RBL1: variants seen among roughly 807,000 people sequenced by gnomAD.
The protein encoded by RBL1 is retinoblastoma-like protein 1.
RBL1 carries 82 observed loss-of-function variants against 123.0 expected under a neutral mutation model. The observed-to-expected ratio is 0.67, with a 90% CI of 0.56 to 0.80. RBL1 has a LOEUF of 0.80. Ranked by LOEUF, RBL1 falls within the 30% of genes least tolerant of loss-of-function variation. The probability of loss-of-function intolerance (pLI) is 0.00; values close to 1 mark genes in which losing one functional copy is unlikely to be tolerated. For missense variants in RBL1, 1,171 were observed against 1,299.6 expected, an observed-to-expected ratio of 0.90 and a Z score of 1.52; for synonymous variants, 405 against 441.3, an observed-to-expected ratio of 0.92 and a Z score of 1.03.
chr20:37,007,356 T>C lies in RBL1; in HGVS notation c.2871+55A>G, dbSNP rs559462561. On this transcript the variant is annotated intron_variant, in intron 20 of 21. Coordinates refer to ENST00000373664, the MANE Select transcript of RBL1 (RefSeq NM_002895.5). ...ATATTTATCTAGCAAAATAAACTTA[T>C]AGTAATCCAACTATGACAGCAAATA... 8.3e-5 allele frequency: 130 copies of C among 1,564,288 alleles called. No individual in the cohort carries two copies. Among genetic ancestry groups the C allele is most frequent in the South Asian group, 3.0e-4 (26 of 86,284 alleles).
At chr20:37,031,215 C>T (rs2064506032) in intron 16 of RBL1, among the ~76,000 whole-genome samples, 1 of 152,076 alleles carries the variant, frequency 6.6e-6, no homozygotes, top group Admixed American at 6.6e-5. Flanking sequence ...AGATTAAAAA[C>T]TTTCATGTGT....
intron 19 of RBL1, among the ~76,000 whole-genome samples, chr20:37,010,917 G>A (rs1184618620): frequency 6.6e-6 from 1 of 152,200 alleles, no homozygotes; most frequent in Non-Finnish European, 1.5e-5. Context: ...CTGGATTCAA[G>A]TGATCTTCCT....
chr20:37,000,912 C>T (rs1378500170), intron 21 of RBL1, among the ~76,000 whole-genome samples: 1 of 138,664 alleles, frequency 7.2e-6, no homozygotes, highest in Non-Finnish European at 1.6e-5. Context: ...GGTCAGCCCC[C>T]CGCCCGGCCA....
intron 2 of RBL1, among the ~76,000 whole-genome samples, chr20:37,080,747 C>T (rs2065436229): frequency 6.6e-6 from 1 of 152,128 alleles, no homozygotes; most frequent in Admixed American, 6.5e-5. Context: ...GTGTGAGCCA[C>T]CACGCCTGGC....
In RBL1 at chr20:37,020,587, A is replaced by C. The variant is rs1046154330; in HGVS notation, c.2631+72T>G. On this transcript the variant is annotated intron_variant, in intron 18 of 21. Transcript: ENST00000373664. ...TATATTAAAACTATAAAATAAGTTT[A>C]CCTTTTATATAACTTGTCAGTGGAA... is the stretch of plus-strand genomic sequence containing the variant. 6.8e-6 allele frequency: 7 copies of C among 1,023,466 alleles called. No individual in the cohort carries two copies. The African/African-American group carries it at 1.0e-4, about 15-fold the overall frequency. The allele number at this position is 1,023,466 out of a possible 1,614,324, so 63.4% of individuals were successfully genotyped here. A position where few individuals can be genotyped will look rare whatever the true frequency, so the allele number is the denominator to read the frequency against.
chr20:37,083,122 C>T (rs968319645), intron 2 of RBL1, among the ~76,000 whole-genome samples: 2 of 152,132 alleles, frequency 1.3e-5, no homozygotes, highest in African/African-American at 2.4e-5. Flanking sequence ...TGAATGAACA[C>T]ATTGATGCTG....
intron 2 of RBL1, 30 bp downstream of exon 2, chr20:37,088,959 A>G (rs372866912): frequency 5.7e-5 from 83 of 1,449,120 alleles, no homozygotes; most frequent in Non-Finnish European, 6.9e-5. Context: ...TAGAGCTTAT[A>G]TAACATTTAA....
chr20:37,023,774 A>T (rs1483782362), intron 16 of RBL1, among the ~76,000 whole-genome samples: 1 of 120,666 alleles, frequency 8.3e-6, no homozygotes, highest in Admixed American at 1.2e-4. Flanking sequence ...TTCTATTCAA[A>T]CTATTTTTTT....
At chr20:37,048,956 C>G (rs1245504579) in intron 11 of RBL1, among the ~76,000 whole-genome samples, 6 of 149,686 alleles carry the variant, frequency 4.0e-5, no homozygotes, top group African/African-American at 1.5e-4. Flanking sequence ...AATCCCAGCA[C>G]TTTGGGAGGC....
At chr20:37,012,571 T>A in intron 19 of RBL1, among the ~76,000 whole-genome samples, 1 of 142,480 alleles carries the variant, frequency 7.0e-6, no homozygotes. Context: ...GTCTGGGAGG[T>A]GAGGAGCGTC....
intron 2 of RBL1, among the ~76,000 whole-genome samples, chr20:37,082,473 C>T (rs774875809): frequency 8.0e-5 from 12 of 150,244 alleles, no homozygotes; most frequent in Non-Finnish European, 1.5e-4. Flanking sequence ...CAACACCATA[C>T]ACATACAAAC....
chr20:37,050,085 G>A, intron 11 of RBL1, among the ~76,000 whole-genome samples: 1 of 150,808 alleles, frequency 6.6e-6, no homozygotes. Flanking sequence ...AAGAGAGAGA[G>A]AGAAAAAAAA....
chr20:37,056,495 T>C (rs1431049657), intron 9 of RBL1, among the ~76,000 whole-genome samples: 3 of 151,856 alleles, frequency 2.0e-5, no homozygotes, highest in African/African-American at 7.3e-5. Flanking sequence ...GCTGGGATTA[T>C]AGGCGCGCAC....
intron 19 of RBL1, among the ~76,000 whole-genome samples, chr20:37,010,772 G>A (rs1944205021): frequency 6.6e-6 from 1 of 150,458 alleles, no homozygotes; most frequent in Admixed American, 6.6e-5. Flanking sequence ...GTGTGTGTGT[G>A]TGTGTGTGTG....
At chr20:37,015,729 CTTGT>C (rs113453940) in intron 19 of RBL1, among the ~76,000 whole-genome samples, 1 of 134,814 alleles carries the variant, frequency 7.4e-6, no homozygotes. Flanking sequence ...CGCACCCGGG[CTTGT>C]TTGTTTTTTT....
chr20:37,039,435 G>A (rs868755555), intron 14 of RBL1, among the ~76,000 whole-genome samples: 13 of 152,156 alleles, frequency 8.5e-5, no homozygotes, highest in Admixed American at 2.6e-4. Flanking sequence ...GGGACCAGGT[G>A]GGAGGTCACT....
chr20:37,043,973 G>T lies in RBL1; in HGVS notation c.1770+113C>A, dbSNP rs141214535. 3,039 of 815,532 alleles carry T rather than the reference G, an allele frequency of 3.7e-3. 13 individuals are homozygous for T. The highest frequency in any genetic ancestry group is 3.5e-3 in the Admixed American group (105 of 29,842). The allele number at this position is 815,532 out of a possible 1,614,324, so 50.5% of individuals were successfully genotyped here. ...TATCTATTTATATACTAAAACCACTGAATTGTACACTTAAAATGGGTGAAC... is the reference window on the plus strand; with the variant it reads ...TATCTATTTATATACTAAAACCACTTAATTGTACACTTAAAATGGGTGAAC... On this transcript the variant is annotated intron_variant, in intron 13 of 21. Transcript: ENST00000373664.
chr20:37,059,500 T>C (rs2065061186), intron 9 of RBL1, among the ~76,000 whole-genome samples: 2 of 152,232 alleles, frequency 1.3e-5, no homozygotes, highest in Admixed American at 1.3e-4. Flanking sequence ...GGGATCCTGC[T>C]GGTGGTACAT....
chr20:37,012,571 T>C (rs1201060415), intron 19 of RBL1, among the ~76,000 whole-genome samples: 1 of 142,482 alleles, frequency 7.0e-6, no homozygotes, highest in Non-Finnish European at 1.5e-5. Context: ...GTCTGGGAGG[T>C]GAGGAGCGTC....
Sources: gnomAD v4.1 joint callset for allele counts (sites outside exome capture counted in the v4.1 genomes callset) on GRCh38, gnomAD v4.1.1 for gene constraint, MANE v1.5 for transcripts, NCBI Gene and HGNC (gene_info 2026-07-23, HGNC 2026-07-21) for gene names.